ACSM3: variants seen among roughly 807,000 people sequenced by gnomAD.
The protein encoded by ACSM3 is acyl-CoA synthetase medium chain family member 3, also known as acyl-coenzyme A synthetase ACSM3, mitochondrial.
Under a neutral mutation model 74.1 loss-of-function variants are expected in ACSM3, and 61 were observed. That is an observed-to-expected ratio of 0.82 (90% CI 0.67 to 1.02). ACSM3 has a LOEUF of 1.02. Among genes scored for constraint, ACSM3 ranks in the 50% least tolerant of loss-of-function variants. The pLI is 0.00. For missense variants in ACSM3, 660 were observed against 697.0 expected, an observed-to-expected ratio of 0.95 and a Z score of 0.60; for synonymous variants, 213 against 241.5, an observed-to-expected ratio of 0.88 and a Z score of 1.09.
At chr16:20,738,060 T>C in intron 1 of ACSM3, 1 of 1,115,370 alleles carries the variant, frequency 9.0e-7, no homozygotes, top group Non-Finnish European at 1.3e-6. Flanking sequence ...CAGAAGAAAT[T>C]CTCATAATGA....
At chr16:20,683,356 G>A (rs948243261) in intron 1 of ACSM3, among the ~76,000 whole-genome samples, 45 of 151,928 alleles carry the variant, frequency 3.0e-4, no homozygotes, top group African/African-American at 9.7e-4. Flanking sequence ...TTGGACTTCT[G>A]ACCACAAGTG....
chr16:20,727,431 C>T (rs1400017574), intron 1 of ACSM3: 2 of 532,110 alleles, frequency 3.8e-6, no homozygotes, highest in South Asian at 1.4e-5. Flanking sequence ...ACAAACTGGG[C>T]TGGAGCTACA....
intron 1 of ACSM3, among the ~76,000 whole-genome samples, chr16:20,707,383 G>A (rs1208875865): frequency 3.3e-5 from 5 of 152,238 alleles, no homozygotes; most frequent in Admixed American, 3.3e-4. Context: ...GCAGACTGGA[G>A]CAGTACTGCC....
chr16:20,728,933 C>T (rs1462389630), intron 1 of ACSM3, among the ~76,000 whole-genome samples: 2 of 151,938 alleles, frequency 1.3e-5, no homozygotes, highest in African/African-American at 4.8e-5. Flanking sequence ...ATAGTGAGAC[C>T]CCGTCTCTAC....
chr16:20,738,016 A>G (rs2079885747), intron 1 of ACSM3: 3 of 1,487,626 alleles, frequency 2.0e-6, no homozygotes, highest in Non-Finnish European at 2.7e-6. Context: ...ATCGAACTCT[A>G]AAATGAATTT....
chr16:20,712,011 G>A (rs2079745543), intron 1 of ACSM3, among the ~76,000 whole-genome samples: 1 of 151,924 alleles, frequency 6.6e-6, no homozygotes. Flanking sequence ...TCTTCTGCCT[G>A]GAGTGCTCTT....
intron 1 of ACSM3, among the ~76,000 whole-genome samples, chr16:20,706,395 C>G (rs1310831797): frequency 2.0e-5 from 3 of 152,140 alleles, no homozygotes; most frequent in African/African-American, 7.2e-5. Context: ...ACAAAGGAAG[C>G]TAGGAAGTGA....
In ACSM3 at chr16:20,756,953, G is replaced by A. The variant is rs554905086; in HGVS notation, c.-52+1337G>A. Among the ~76,000 whole-genome samples, 602 of 151,896 alleles carry A rather than the reference G, an allele frequency of 4.0e-3. 4 individuals carry two copies. The highest frequency in any genetic ancestry group is 0.014 in the African/African-American group (568 of 41,400). ...AAAGATCAGATAGTTGTACATATGC[G>A]GCGTTATTTCTGAGGGCTCTGTTCT... On this transcript the variant is annotated intron_variant, in intron 3 of 3. Coordinates refer to the ACSM3 transcript ENST00000561584.
chr16:20,721,365 G>C (rs1344167986), intron 1 of ACSM3: 2 of 152,266 alleles, frequency 1.3e-5, no homozygotes, highest in Non-Finnish European at 2.9e-5. Context: ...TAGTTGACTT[G>C]AGGTGGAGAA....
intron 1 of ACSM3, among the ~76,000 whole-genome samples, chr16:20,700,616 GAC>G (rs1355324583): frequency 2.0e-5 from 3 of 151,764 alleles, no homozygotes; most frequent in Non-Finnish European, 2.9e-5. Context: ...TGAGGTCAGA[GAC>G]ACAAGCAGGA....
chr16:20,732,384 C>T (rs937063001), intron 1 of ACSM3, among the ~76,000 whole-genome samples: 1 of 152,092 alleles, frequency 6.6e-6, no homozygotes, highest in African/African-American at 2.4e-5. Context: ...AATTAATGAA[C>T]TTTTGACTTT....
chr16:20,786,222 T>G (rs1390255427), intron 9 of ACSM3, 64 bp downstream of exon 9: 26 of 1,559,642 alleles, frequency 1.7e-5, no homozygotes, highest in Non-Finnish European at 2.3e-5. Context: ...TACCTACCGC[T>G]TACCCCCATA....
chr16:20,776,069 C>A lies in ACSM3; in HGVS notation c.430+20C>A. 1 of 1,611,548 alleles carries A rather than the reference C, an allele frequency of 6.2e-7. No homozygotes were observed. Among genetic ancestry groups the A allele is most frequent in the Non-Finnish European group, 8.5e-7 (1 of 1,177,936 alleles). Reference sequence around the variant, plus strand: ...GAACAGGTTAGTAATGTTTGCTTTCCGATCATATTTATTACTAAGCTGGAG... The same window carrying A: ...GAACAGGTTAGTAATGTTTGCTTTCAGATCATATTTATTACTAAGCTGGAG... On this transcript the variant is annotated intron_variant, in intron 3 of 13. Coordinates refer to ENST00000289416, the MANE Select transcript of ACSM3 (RefSeq NM_005622.4).
At chr16:20,778,654 C>T (rs1364715196) in intron 4 of ACSM3, among the ~76,000 whole-genome samples, 1 of 152,174 alleles carries the variant, frequency 6.6e-6, no homozygotes, top group Admixed American at 6.5e-5. Context: ...CTCCTCACTT[C>T]TGTATGTACT....
chr16:20,792,043 C>T lies in ACSM3; in HGVS notation c.1368C>T (p.Phe456=), dbSNP rs1414795546. The change falls in exon 11 of 14, where the codon TTC becomes TTT. Residue 456 remains phenylalanine (F), a synonymous_variant. Coordinates refer to ENST00000289416, the MANE Select transcript of ACSM3 (RefSeq NM_005622.4). ...CAGCTTCAACTCTACGAGGCAATTT[C>T]TATATCACTGGGGACAGAGGATATA... ...SKTASTLRGN[F]YITGDRGYMD... is the part of the protein sequence containing the mutation. The T allele has an allele frequency of 3.1e-6, 5 of 1,613,968 alleles. No homozygotes were observed. The highest frequency in any genetic ancestry group is 4.2e-6 in the Non-Finnish European group (5 of 1,179,984).
At chr16:20,766,299 C>T (rs548531943) in intron 1 of ACSM3, among the ~76,000 whole-genome samples, 6 of 136,908 alleles carry the variant, frequency 4.4e-5, no homozygotes, top group African/African-American at 1.4e-4. Context: ...TGATAGGGGA[C>T]CGGTTTAAGA....
intron 1 of ACSM3, among the ~76,000 whole-genome samples, chr16:20,708,305 A>G (rs9708736): frequency 0.13 from 19,792 of 151,998 alleles, 1,360 homozygotes; most frequent in East Asian, 0.21. Context: ...TGTCTCAAAA[A>G]CAACAACAAC....
In ACSM3 at chr16:20,737,194, G is replaced by A. The variant is rs536586608; in HGVS notation, c.-189-12716G>A. ...AACATGTAATCTTTCACAACACTCAGGCAACAGACAGCTTTGATGATTTCT... is the reference window on the plus strand; with the variant it reads ...AACATGTAATCTTTCACAACACTCAAGCAACAGACAGCTTTGATGATTTCT... On this transcript the variant is annotated intron_variant, in intron 1 of 3. Coordinates refer to the ACSM3 transcript ENST00000561584. The A allele has an allele frequency of 1.8e-5, 29 of 1,614,136 alleles. No individual in the cohort carries two copies. In the African/African-American group the frequency reaches 3.9e-4, roughly 22 times the overall value.
chr16:20,681,152 A>G (rs1254488854), intron 1 of ACSM3: 1 of 152,244 alleles, frequency 6.6e-6, no homozygotes, highest in Non-Finnish European at 1.5e-5. Flanking sequence ...GCTCAACTGC[A>G]TCATAAGGTT....
Sources: gnomAD v4.1 joint callset for allele counts (sites outside exome capture counted in the v4.1 genomes callset) on GRCh38, gnomAD v4.1.1 for gene constraint, MANE v1.5 for transcripts, NCBI Gene and HGNC (gene_info 2026-07-23, HGNC 2026-07-21) for gene names.